Variants in RASA3 observed in about 807,000 individuals in gnomAD.
RASA3 encodes the protein ras GTPase-activating protein 3.
RASA3 carries 73 observed loss-of-function variants against 110.0 expected under a neutral mutation model. That is an observed-to-expected ratio of 0.66 (90% CI 0.55 to 0.81). RASA3 has a LOEUF of 0.81. Ranked by LOEUF, RASA3 falls within the 30% of genes least tolerant of loss-of-function variation. RASA3 has a pLI of 0.00. For missense variants in RASA3, 976 were observed against 1,113.2 expected (o/e 0.88, Z 1.75); for synonymous variants, 500 against 451.4 (o/e 1.11, Z -1.37).
At chr13:113,984,442 TCTG>T (rs2053004943) in intron 22 of RASA3, among the ~76,000 whole-genome samples, 1 of 58,938 alleles carries the variant, frequency 1.7e-5, no homozygotes, top group Non-Finnish European at 3.8e-5. Context: ...CACTCATCCA[TCTG>T]TCCATCCACC....
intron 13 of RASA3, among the ~76,000 whole-genome samples, chr13:114,015,928 T>C (rs558116956): frequency 5.0e-4 from 76 of 152,064 alleles, no homozygotes; most frequent in African/African-American, 1.7e-3. Context: ...AGCTGGGGCA[T>C]GCAGACCGGA....
At chr13:114,024,229 A>C (rs1356334395) in intron 8 of RASA3, 50 bp downstream of exon 8, 21 of 1,495,180 alleles carry the variant, frequency 1.4e-5, no homozygotes, top group African/African-American at 2.8e-5. Context: ...AGAGCTGAGG[A>C]GTTTGGGTGA....
Position 114,030,144 on chromosome 13 carries a change from CGCTGCCT to C in RASA3, c.373-264_373-258del, listed in dbSNP as rs145066666. ...GCTCCTGGCTCTGCTGAGAGCAGGT[CGCTGCCT>C]CAGAAGTGAGGGGTCCAACCGTGTA... On this transcript the variant is annotated intron_variant, in intron 4 of 23. Coordinates refer to ENST00000334062, the MANE Select transcript of RASA3 (RefSeq NM_007368.4). 4.3e-4 allele frequency among the ~76,000 whole-genome samples: 66 copies of C among 152,340 alleles called. No individual in the cohort carries two copies. In the East Asian group the frequency reaches 0.012, roughly 28 times the overall value.
chr13:113,993,039 T>C (rs2053155444), intron 21 of RASA3, among the ~76,000 whole-genome samples: 1 of 152,222 alleles, frequency 6.6e-6, no homozygotes, highest in African/African-American at 2.4e-5. Flanking sequence ...AAATCCCCAG[T>C]GTAATATGTA....
intron 4 of RASA3, among the ~76,000 whole-genome samples, chr13:114,030,161 G>C (rs1361166444): frequency 1.3e-5 from 2 of 152,248 alleles, no homozygotes; most frequent in Admixed American, 1.3e-4. Flanking sequence ...TCAGAAGTGA[G>C]GGGTCCAACC....
chr13:114,075,026 C>T (rs1382397889), intron 1 of RASA3, among the ~76,000 whole-genome samples: 2 of 152,212 alleles, frequency 1.3e-5, no homozygotes, highest in African/African-American at 4.8e-5. Context: ...TTTCTGCCTC[C>T]GTCATTTGGC....
rs1339437089 is a variant in RASA3 at position 114,096,916 on chromosome 13, T to C, written c.56-23079A>G. Among the ~76,000 whole-genome samples, 1 of 152,178 alleles carries C rather than the reference T, an allele frequency of 6.6e-6. No homozygotes were observed. ...TTGCCAACATGTGCGCCTTTGAACATGCGTTCTCTCCGCCTGCAGTGCCCT... is the reference window on the plus strand; with the variant it reads ...TTGCCAACATGTGCGCCTTTGAACACGCGTTCTCTCCGCCTGCAGTGCCCT... On this transcript the variant is annotated intron_variant, in intron 1 of 23. Coordinates refer to ENST00000334062, the MANE Select transcript of RASA3 (RefSeq NM_007368.4). This position sits in a 1 kb window ranked among gnomAD's most constrained non-coding sequence, Gnocchi z 5.1.
intron 22 of RASA3, among the ~76,000 whole-genome samples, chr13:113,989,447 T>C (rs2053053217): frequency 7.7e-6 from 1 of 129,642 alleles, no homozygotes; most frequent in Admixed American, 7.9e-5. Flanking sequence ...CATCCGTCCA[T>C]CCACCCGTCA....
In RASA3 at chr13:114,028,077, G is replaced by A. The variant is rs550179051; in HGVS notation, c.450-150C>T. 1.6e-4 allele frequency: 103 copies of A among 649,858 alleles called. No individual in the cohort carries two copies. The African/African-American group carries it at 1.7e-3, about 11-fold the overall frequency. 40.3% of individuals were successfully genotyped at this position (649,858 alleles called of 1,614,324 possible). A position where few individuals can be genotyped will look rare whatever the true frequency, so the allele number is the denominator to read the frequency against. The stretch of plus-strand genomic sequence containing the variant: ...CAGGGAGGGCCACACCAGCCATTCT[G>A]CCTCGGTGTGACGCTGAATCACGCT... On this transcript the variant is annotated intron_variant, in intron 5 of 23. Coordinates refer to ENST00000334062, the MANE Select transcript of RASA3 (RefSeq NM_007368.4).
chr13:114,071,773 G>A (rs942476503), intron 2 of RASA3, among the ~76,000 whole-genome samples: 3 of 152,222 alleles, frequency 2.0e-5, no homozygotes, highest in Non-Finnish European at 4.4e-5. Context: ...AGCACTGTCA[G>A]TGACGGAGTG....
rs1376800080 is a variant in RASA3 at position 114,007,541 on chromosome 13, A to G, written c.1734T>C (p.Leu578=). ...DPKSVEQPIV[L]KEGFMIKRAQ... ...CACCTTACCCTCCTTACCCTTCTTT[A>G]AGCACGATGGGCTGCTCAACACTCT... The change falls in exon 18 of 24, where the codon CTT becomes CTC. Residue 578 remains leucine (L), a synonymous_variant. Coordinates refer to ENST00000334062, the MANE Select transcript of RASA3 (RefSeq NM_007368.4). The G allele has an allele frequency of 8.1e-6, 13 of 1,612,358 alleles. No individual in the cohort carries two copies. In the Admixed American group the frequency reaches 1.0e-4, roughly 12 times the overall value.
In RASA3 at chr13:114,016,181, C is replaced by T; in HGVS notation, c.1281+16G>A. ...AGCAGGTGACTGGCTTTGGTTGGTT[C>T]ATGAACAAAACCTACCATGTTGTTT... On this transcript the variant is annotated intron_variant, in intron 13 of 23. Coordinates refer to ENST00000334062, the MANE Select transcript of RASA3 (RefSeq NM_007368.4). 6.4e-7 allele frequency: 1 copy of T among 1,560,984 alleles called. No individual in the cohort carries two copies. The highest frequency in any genetic ancestry group is 8.8e-7 in the Non-Finnish European group (1 of 1,132,186).
intron 1 of RASA3, among the ~76,000 whole-genome samples, chr13:114,110,579 G>A (rs1164965204): frequency 6.6e-6 from 1 of 152,214 alleles, no homozygotes; most frequent in African/African-American, 2.4e-5. Flanking sequence ...AGGCAGCTGT[G>A]GCCCAGCGTG....
chr13:114,044,607 C>G (rs2139506044), intron 3 of RASA3, among the ~76,000 whole-genome samples: 1 of 140,654 alleles, frequency 7.1e-6, no homozygotes, highest in East Asian at 2.1e-4. Flanking sequence ...GCTCTGTCCT[C>G]TCCTCTGACG....
rs564947010 is a variant in RASA3, at chr13:113,998,886, C to T, written c.1932+699G>A. The stretch of plus-strand genomic sequence containing the variant: ...GGGGAAGGAACCACAGCCGGAAGAA[C>T]GGGACTGGACAGCGGCAAACTCGAA... On this transcript the variant is annotated intron_variant, in intron 20 of 23. Transcript: ENST00000334062. Among the ~76,000 whole-genome samples, 14 of 152,372 alleles carry T rather than the reference C, an allele frequency of 9.2e-5. No individual in the cohort carries two copies. In the South Asian group the frequency reaches 1.4e-3, roughly 16 times the overall value.
intron 1 of RASA3, among the ~76,000 whole-genome samples, chr13:114,110,716 C>T (rs2080206282): frequency 6.6e-6 from 1 of 152,256 alleles, no homozygotes; most frequent in African/African-American, 2.4e-5. Flanking sequence ...ATGACACGCA[C>T]ATCACAGCCG....
chr13:114,029,935 C>G (rs145085249), intron 4 of RASA3, 48 bp from the exon 5 acceptor site: 2 of 1,509,308 alleles, frequency 1.3e-6, no homozygotes, highest in African/African-American at 2.8e-5. Flanking sequence ...GCTGCTCCCA[C>G]AGGCCACTAG....
intron 3 of RASA3, among the ~76,000 whole-genome samples, chr13:114,046,633 A>C (rs1211167987): frequency 6.6e-6 from 1 of 152,228 alleles, no homozygotes; most frequent in Non-Finnish European, 1.5e-5. Flanking sequence ...GACATGGTAC[A>C]CTGGCAGGCG....
At chr13:114,053,086 G>A (rs9525223) in intron 2 of RASA3, among the ~76,000 whole-genome samples, 1,245 of 46,422 alleles carry the variant, frequency 0.027, 1 homozygote, top group African/African-American at 0.086. Flanking sequence ...TAGAGTCCTC[G>A]CTCCTGGGGG....
Sources: allele counts gnomAD v4.1 joint callset (sites outside exome capture counted in the v4.1 genomes callset), GRCh38; gene constraint gnomAD v4.1.1; non-coding constraint Gnocchi (gnomAD v3.1); transcripts MANE v1.5; gene names NCBI Gene and HGNC (gene_info 2026-07-23, HGNC 2026-07-21).